Variants in MARCHF5 observed in about 807,000 individuals in gnomAD.
MARCHF5 encodes the protein E3 ubiquitin-protein ligase MARCHF5.
In MARCHF5, 5 loss-of-function variants were observed where a neutral mutation model predicts 36.5. The ratio of observed to expected loss-of-function variants is 0.14; its 90% CI spans 0.07 to 0.29. The LOEUF (loss-of-function observed/expected upper bound fraction) is 0.29, where lower values mean the gene tolerates loss of function less well. MARCHF5 is among the 10% of genes least tolerant of loss of function. The pLI is 1.00. For synonymous variants in MARCHF5, 103 were observed against 109.9 expected (o/e 0.94, Z 0.39); for missense variants, 179 against 336.3 (o/e 0.53, Z 3.66).
chr10:92,348,022 A>C (rs1416451594), intron 3 of MARCHF5, among the ~76,000 whole-genome samples: 1 of 151,310 alleles, frequency 6.6e-6, no homozygotes, highest in Admixed American at 6.6e-5. Context: ...GTCTCTACTA[A>C]AAATACAAAA....
rs1843716004 is a variant in MARCHF5 at position 92,351,713 on chromosome 10, G to C, written c.*506G>C. On this transcript the variant is annotated 3_prime_UTR_variant, in exon 6 of 6. Transcript: ENST00000358935. ...TAGTTATAAATAAATAACCAAAAAT[G>C]TATGTAAACATTCAAATGATTATCT... is the stretch of plus-strand genomic sequence containing the variant. 1 of 152,612 alleles carries C rather than the reference G, an allele frequency of 6.6e-6. No individual in the cohort carries two copies. The highest frequency in any genetic ancestry group is 1.5e-5 in the Non-Finnish European group (1 of 68,058). 9.5% of individuals were successfully genotyped at this position (152,612 alleles called of 1,614,324 possible).
At position 92,353,693 on chromosome 10, in the gene MARCHF5, T is replaced by C. The variant is rs1265234334; in HGVS notation, c.*2486T>C. 2.0e-5 allele frequency: 3 copies of C among 152,650 alleles called. No individual in the cohort carries two copies. Among genetic ancestry groups the C allele is most frequent in the Non-Finnish European group, 2.9e-5 (2 of 68,048 alleles). The allele number at this position is 152,650 out of a possible 1,614,324, so 9.5% of individuals were successfully genotyped here. A position where few individuals can be genotyped will look rare whatever the true frequency, so the allele number is the denominator to read the frequency against. ...TCATATTTCTTTACTGTGTTATTTC[T>C]GGAAACTTTAATGTTTTAAACCTCT... is the stretch of plus-strand genomic sequence containing the variant. On this transcript the variant is annotated 3_prime_UTR_variant, in exon 6 of 6. Transcript: ENST00000358935.
chr10:92,300,038 A>G (rs575995130), intron 1 of MARCHF5, among the ~76,000 whole-genome samples: 2 of 151,938 alleles, frequency 1.3e-5, no homozygotes, highest in Admixed American at 6.6e-5. Flanking sequence ...GTGCATGCCT[A>G]TACTCCCAGC....
At chr10:92,318,602 G>GGTCGCAGCTACAAACAATAAAGGC (rs1564947366) in intron 2 of MARCHF5, among the ~76,000 whole-genome samples, 2 of 151,402 alleles carry the variant, frequency 1.3e-5, no homozygotes, top group African/African-American at 4.9e-5. Context: ...GTGCACCTGG[G>GGTCGCAGCTACAAACAATAAAGGC]GTCGCAGCTA....
At chr10:92,329,055 C>G (rs1011285124) in intron 2 of MARCHF5, among the ~76,000 whole-genome samples, 3 of 151,984 alleles carry the variant, frequency 2.0e-5, no homozygotes, top group Non-Finnish European at 4.4e-5. Context: ...TTAAGTAATA[C>G]AAAACATTGT....
In MARCHF5 at chr10:92,351,217, C is replaced by T; in HGVS notation, c.*10C>T. 6.6e-7 allele frequency: 1 copy of T among 1,507,882 alleles called. No homozygotes were observed. Among genetic ancestry groups the T allele is most frequent in the Non-Finnish European group, 9.2e-7 (1 of 1,085,996 alleles). The allele number at this position is 1,507,882 out of a possible 1,614,324, so 93.4% of individuals were successfully genotyped here. The stretch of plus-strand genomic sequence containing the variant: ...ACAAGAAGAAGCATAAAACTGACTT[C>T]TGGTTGTTCTGCAGTTCTCTCATCC... On this transcript the variant is annotated 3_prime_UTR_variant, in exon 6 of 6. Coordinates refer to ENST00000358935, the MANE Select transcript of MARCHF5 (RefSeq NM_017824.5).
intron 2 of MARCHF5, among the ~76,000 whole-genome samples, chr10:92,317,790 G>T (rs1812851): frequency 2.0e-4 from 29 of 144,892 alleles, no homozygotes; most frequent in African/African-American, 6.3e-4. Context: ...TCGCTCTGTT[G>T]CCCAGGCTGG....
chr10:92,295,477 G>A (rs1169870235), intron 1 of MARCHF5, among the ~76,000 whole-genome samples: 1 of 146,282 alleles, frequency 6.8e-6, no homozygotes, highest in African/African-American at 2.5e-5. Flanking sequence ...GCGCAATCTT[G>A]GCTCGCTGCA....
intron 2 of MARCHF5, among the ~76,000 whole-genome samples, chr10:92,337,267 A>G (rs535761801): frequency 1.1e-4 from 16 of 152,004 alleles, no homozygotes; most frequent in African/African-American, 3.6e-4. Context: ...TGTAATCCCA[A>G]CACTTCGGGA....
chr10:92,349,218 C>T (rs1038728875), intron 3 of MARCHF5, 131 bp from the exon 4 acceptor site: 1 of 690,292 alleles, frequency 1.4e-6, no homozygotes, highest in Non-Finnish European at 2.3e-6. Context: ...AGCTTTCCAG[C>T]TTATTTTTTA....
At chr10:92,307,870 C>T (rs1223081653) in intron 1 of MARCHF5, among the ~76,000 whole-genome samples, 1 of 151,806 alleles carries the variant, frequency 6.6e-6, no homozygotes, top group African/African-American at 2.4e-5. Flanking sequence ...AGACTTTGGG[C>T]TGCTGGTTGC....
intron 2 of MARCHF5, among the ~76,000 whole-genome samples, chr10:92,334,189 C>G (rs527720390): frequency 6.6e-6 from 1 of 152,252 alleles, no homozygotes; most frequent in Middle Eastern, 3.4e-3. Context: ...GACTCTGTCT[C>G]GGAAGAAAGT....
Position 92,319,421 on chromosome 10 carries a change from G to A in MARCHF5, c.238+8084G>A, listed in dbSNP as rs375684315. Among the ~76,000 whole-genome samples, 329 of 150,022 alleles carry A rather than the reference G, an allele frequency of 2.2e-3. 1 individual carries two copies. The highest frequency in any genetic ancestry group is 7.4e-3 in the African/African-American group (304 of 40,842). On this transcript the variant is annotated intron_variant, in intron 2 of 5. Coordinates refer to ENST00000358935, the MANE Select transcript of MARCHF5 (RefSeq NM_017824.5). Reference sequence around the variant, plus strand: ...CGCCATTCTCCTGCCTCAGCCTCCCGTGTAGCTGGGACTACAGGCGCACGC... The same window carrying A: ...CGCCATTCTCCTGCCTCAGCCTCCCATGTAGCTGGGACTACAGGCGCACGC...
At chr10:92,318,959 G>A (rs940764952) in intron 2 of MARCHF5, among the ~76,000 whole-genome samples, 16 of 152,054 alleles carry the variant, frequency 1.1e-4, no homozygotes, top group Non-Finnish European at 2.2e-4. Flanking sequence ...CACCCGCCTC[G>A]GCCTCCTAAA....
At chr10:92,308,728 G>A (rs1288231877) in intron 1 of MARCHF5, 2 of 150,008 alleles carry the variant, frequency 1.3e-5, no homozygotes, top group African/African-American at 2.5e-5. Flanking sequence ...TTTTTGAGAC[G>A]GAGTCTTGCT....
At chr10:92,319,047 A>G (rs534909290) in intron 2 of MARCHF5, among the ~76,000 whole-genome samples, 9 of 152,210 alleles carry the variant, frequency 5.9e-5, no homozygotes, top group Admixed American at 5.9e-4. Context: ...ACTGTACTTA[A>G]TGTTTAGGTC....
In MARCHF5 at chr10:92,311,123, T is replaced by C. The variant is rs777489947; in HGVS notation, c.36-12T>C. On this transcript the variant is annotated splice_polypyrimidine_tract_variant and intron_variant, in intron 1 of 5. Coordinates refer to ENST00000358935, the MANE Select transcript of MARCHF5 (RefSeq NM_017824.5). ...AGATATAAATGTCATCCTTTTCTCT[T>C]TTAATTTACAGAAGTTGCTGGGTTT... The C allele has an allele frequency of 2.0e-6, 3 of 1,477,028 alleles. No individual in the cohort carries two copies. Among genetic ancestry groups the C allele is most frequent in the Non-Finnish European group, 2.8e-6 (3 of 1,060,604 alleles). The allele number at this position is 1,477,028 out of a possible 1,614,324, so 91.5% of individuals were successfully genotyped here. A position where few individuals can be genotyped will look rare whatever the true frequency, so the allele number is the denominator to read the frequency against.
At position 92,349,701 on chromosome 10, in the gene MARCHF5, C is replaced by T. The variant is rs758827291; in HGVS notation, c.584C>T (p.Ala195Val). Residue 195 changes from alanine to valine, a missense_variant, in exon 5 of 6, where the codon GCT (alanine) becomes GTT (valine). By Grantham distance (64) the Ala-to-Val change is moderately conservative. Transcript: ENST00000358935. ...GIGCPVPRIP[A>V]EANPLADHVS... ...GGTTGTCCTGTTCCTCGAATTCCAGCTGAGGCCAATCCTTTAGCAGATCAT... is the reference window on the plus strand; with the variant it reads ...GGTTGTCCTGTTCCTCGAATTCCAGTTGAGGCCAATCCTTTAGCAGATCAT... 6.2e-7 allele frequency: 1 copy of T among 1,614,032 alleles called. No homozygotes were observed. The highest frequency in any genetic ancestry group is 8.5e-7 in the Non-Finnish European group (1 of 1,179,962).
At position 92,350,581 on chromosome 10, in the gene MARCHF5, G is replaced by A. The variant is rs561119719; in HGVS notation, c.721-510G>A. ...AGACTGCATCATTTGAACAGTAGGC[G>A]CTAGATTTCCCAGTAGATAAGTTCA... On this transcript the variant is annotated intron_variant, in intron 5 of 5. Transcript: ENST00000358935. Among the ~76,000 whole-genome samples, 9 of 152,292 alleles carry A rather than the reference G, an allele frequency of 5.9e-5. No homozygotes were observed. The South Asian group carries it at 6.2e-4, about 11-fold the overall frequency.
Sources: allele counts gnomAD v4.1 joint callset (sites outside exome capture counted in the v4.1 genomes callset), GRCh38; gene constraint gnomAD v4.1.1; transcripts MANE v1.5; gene names NCBI Gene and HGNC (gene_info 2026-07-23, HGNC 2026-07-21).